The following CADM2 variants were observed in gnomAD, a reference collection of about 807,000 sequenced individuals.
The protein encoded by CADM2 is cell adhesion molecule 2, also known as immunoglobulin superfamily member 4D.
In CADM2, 12 loss-of-function variants were observed where a neutral mutation model predicts 49.8. The ratio of observed to expected loss-of-function variants is 0.24; its 90% CI spans 0.15 to 0.39. The LOEUF (loss-of-function observed/expected upper bound fraction) is 0.39. CADM2 is among the 10% of genes least tolerant of loss of function. CADM2 has a pLI of 1.00. For synonymous variants in CADM2, 214 were observed against 175.4 expected (o/e 1.22, Z -1.74); for missense variants, 378 against 492.3 (o/e 0.77, Z 2.20).
chr3:85,886,429 T>A, intron 5 of CADM2, 102 bp downstream of exon 5: 1 of 813,320 alleles, frequency 1.2e-6, no homozygotes, highest in South Asian at 1.8e-5. Flanking sequence ...TAGTGTCTCT[T>A]ACAGATTATG....
At chr3:85,889,671 A>G (rs1228458512) in intron 5 of CADM2, among the ~76,000 whole-genome samples, 1 of 152,204 alleles carries the variant, frequency 6.6e-6, no homozygotes, top group Non-Finnish European at 1.5e-5. Flanking sequence ...AAGTGTTTTC[A>G]GAGTACAAGG....
intron 1 of CADM2, among the ~76,000 whole-genome samples, chr3:85,488,460 T>C (rs754758777): frequency 2.0e-5 from 3 of 152,302 alleles, no homozygotes; most frequent in African/African-American, 4.8e-5. Flanking sequence ...CTCTGGATTT[T>C]TTAGATTCAG....
At chr3:85,742,141 A>C (rs1431839717) in intron 2 of CADM2, among the ~76,000 whole-genome samples, 1 of 152,196 alleles carries the variant, frequency 6.6e-6, no homozygotes, top group Non-Finnish European at 1.5e-5. Flanking sequence ...GGAGTTTTAA[A>C]ATAAGTATAT....
chr3:85,295,351 A>C (rs1287157498), intron 1 of CADM2, among the ~76,000 whole-genome samples: 9 of 152,158 alleles, frequency 5.9e-5, no homozygotes, highest in African/African-American at 2.4e-5. Flanking sequence ...TGGGACTGTA[A>C]ACTAGTTCAA....
chr3:85,159,683 C>T (rs1367632763), intron 1 of CADM2, among the ~76,000 whole-genome samples: 1 of 152,110 alleles, frequency 6.6e-6, no homozygotes. Context: ...GAATGATTAA[C>T]GCTGAGTGTG....
intron 1 of CADM2, among the ~76,000 whole-genome samples, chr3:85,394,981 T>G (rs2034699117): frequency 6.6e-6 from 1 of 152,108 alleles, no homozygotes; most frequent in Admixed American, 6.5e-5. Context: ...ATCGTAACAT[T>G]TAATGTATGA....
Position 84,998,684 on chromosome 3 carries a change from A to G in CADM2, c.61+39016A>G, listed in dbSNP as rs1251828812. On this transcript the variant is annotated intron_variant, in intron 1 of 9. Coordinates refer to ENST00000383699, the MANE Select transcript of CADM2 (RefSeq NM_001167675.2). ...AACTCTGGATTTCTCAGGCTTGGTA[A>G]GAGCCTTATAAAAAGGTTAGCTTGG... 2.0e-5 allele frequency among the ~76,000 whole-genome samples: 3 copies of G among 152,228 alleles called. No individual in the cohort carries two copies. The East Asian group carries it at 5.8e-4, about 29-fold the overall frequency.
chr3:85,021,321 G>A (rs2034499349), intron 1 of CADM2, among the ~76,000 whole-genome samples: 1 of 152,048 alleles, frequency 6.6e-6, no homozygotes, highest in Non-Finnish European at 1.5e-5. Context: ...ATACATCAAC[G>A]AACAAAACGA....
At chr3:85,551,932 T>G (rs1297226738) in intron 1 of CADM2, among the ~76,000 whole-genome samples, 1 of 152,216 alleles carries the variant, frequency 6.6e-6, no homozygotes, top group Non-Finnish European at 1.5e-5. Context: ...ACAAAGGTGA[T>G]GGTAATTCCT....
At chr3:85,849,099 C>A (rs1172333219) in intron 3 of CADM2, among the ~76,000 whole-genome samples, 2 of 152,120 alleles carry the variant, frequency 1.3e-5, no homozygotes, top group African/African-American at 4.8e-5. Flanking sequence ...ACAGACAGTT[C>A]CAGAGAATGG....
rs567939984 is a variant in CADM2 at position 85,863,834 on chromosome 3, G to C, written c.239-19457G>C. The stretch of plus-strand genomic sequence containing the variant: ...ATCTAAGCCAAATAAAATCAGAAAA[G>C]AGGACTTGTGAGGCTTGAATGACAA... On this transcript the variant is annotated intron_variant, in intron 3 of 9. Transcript: ENST00000383699. Among the ~76,000 whole-genome samples the C allele has an allele frequency of 2.8e-4, 43 of 152,310 alleles. No homozygotes were observed. In the Middle Eastern group the frequency reaches 0.01, roughly 36 times the overall value.
In CADM2 at chr3:85,723,582, G is replaced by A. The variant is rs181084116; in HGVS notation, c.62-2940G>A. On this transcript the variant is annotated intron_variant, in intron 1 of 9. Transcript: ENST00000383699. ...TTAACCTAGTCTAGTATTAGCTGCC[G>A]GCATACAGAAACAGGCATAGAGCTT... Among the ~76,000 whole-genome samples, 55 of 152,100 alleles carry A rather than the reference G, an allele frequency of 3.6e-4. No individual in the cohort carries two copies. The East Asian group carries it at 4.6e-3, about 13-fold the overall frequency.
At chr3:85,835,777 C>A (rs1293377011) in intron 3 of CADM2, among the ~76,000 whole-genome samples, 1 of 133,004 alleles carries the variant, frequency 7.5e-6, no homozygotes, top group African/African-American at 2.8e-5. Context: ...ATATATATAT[C>A]CCTTGCTTGC....
chr3:85,652,772 C>CCTTTTTT (rs2065083428), intron 1 of CADM2, among the ~76,000 whole-genome samples: 1 of 50,782 alleles, frequency 2.0e-5, no homozygotes, highest in Non-Finnish European at 3.5e-5. Flanking sequence ...TTTTTCTTTT[C>CCTTTTTT]TTTTTTTTTT....
chr3:85,177,522 A>G (rs1381744500), intron 1 of CADM2, among the ~76,000 whole-genome samples: 1 of 152,046 alleles, frequency 6.6e-6, no homozygotes, highest in Non-Finnish European at 1.5e-5. Context: ...TCTATAATGT[A>G]TAAAAATAGA....
intron 1 of CADM2, among the ~76,000 whole-genome samples, chr3:85,420,202 C>T (rs2036105022): frequency 6.6e-6 from 1 of 152,156 alleles, no homozygotes; most frequent in South Asian, 2.1e-4. Flanking sequence ...CATGTTTACA[C>T]TGATACTCAA....
chr3:85,281,979 G>A (rs946927783), intron 1 of CADM2, among the ~76,000 whole-genome samples: 36 of 152,008 alleles, frequency 2.4e-4, no homozygotes, highest in Non-Finnish European at 3.8e-4. Flanking sequence ...CATGAGGAAA[G>A]AAAGAAGTTT....
intron 3 of CADM2, among the ~76,000 whole-genome samples, chr3:85,811,878 G>A (rs375646680): frequency 1.6e-5 from 2 of 122,162 alleles, no homozygotes; most frequent in Non-Finnish European, 3.4e-5. Context: ...TTTTTTTTGT[G>A]ATACTTTAGA....
At chr3:85,093,775 G>A (rs2037690606) in intron 1 of CADM2, among the ~76,000 whole-genome samples, 1 of 152,094 alleles carries the variant, frequency 6.6e-6, no homozygotes, top group Admixed American at 6.6e-5. Flanking sequence ...GAGGGAAAGT[G>A]TTATTATTTT....
Sources: gnomAD v4.1 joint callset for allele counts (sites outside exome capture counted in the v4.1 genomes callset) on GRCh38, gnomAD v4.1.1 for gene constraint, MANE v1.5 for transcripts, NCBI Gene and HGNC (gene_info 2026-07-23, HGNC 2026-07-21) for gene names.